The following SHOC1 variants were observed in gnomAD, a reference collection of about 807,000 sequenced individuals.
SHOC1 encodes the protein protein shortage in chiasmata 1 ortholog.
SHOC1 carries 136 observed loss-of-function variants against 179.2 expected under a neutral mutation model. The observed-to-expected ratio is 0.76, with a 90% CI of 0.66 to 0.87. The LOEUF (loss-of-function observed/expected upper bound fraction) is 0.87. Ranked by LOEUF, SHOC1 falls within the 40% of genes least tolerant of loss-of-function variation. SHOC1 has a pLI of 0.00. For synonymous variants in SHOC1, 489 were observed against 586.6 expected (o/e 0.83, Z 2.41); for missense variants, 1,538 against 1,700.8 (o/e 0.90, Z 1.68).
chr9:111,759,368 A>C, intron 5 of SHOC1: 1 of 1,483,146 alleles, frequency 6.7e-7, no homozygotes, highest in Non-Finnish European at 9.0e-7. Flanking sequence ...GGTTGCTATA[A>C]AATTATTTAC....
chr9:111,726,696 C>G (rs771759984), intron 13 of SHOC1, among the ~76,000 whole-genome samples: 1 of 152,146 alleles, frequency 6.6e-6, no homozygotes, highest in Non-Finnish European at 1.5e-5. Flanking sequence ...ACCTAACTGT[C>G]TCTAAGTCAC....
intron 3 of SHOC1, among the ~76,000 whole-genome samples, chr9:111,782,677 C>A (rs1183084759): frequency 6.6e-6 from 1 of 151,992 alleles, no homozygotes; most frequent in Non-Finnish European, 1.5e-5. Flanking sequence ...TAGTATACCC[C>A]TTAATAAAAC....
chr9:111,744,412 G>T lies in SHOC1; in HGVS notation c.1079+1822C>A, dbSNP rs192351992. ...CTCTGTATAGCACAAATTTACTCTA[G>T]AAATGTAAATAATTCTTAGCCAGAA... On this transcript the variant is annotated intron_variant, in intron 10 of 27. Coordinates refer to ENST00000682961, the MANE Select transcript of SHOC1 (RefSeq NM_001378211.1). Among the ~76,000 whole-genome samples the T allele has an allele frequency of 2.0e-4, 31 of 152,238 alleles. No homozygotes were observed. In the East Asian group the frequency reaches 5.8e-3, roughly 28 times the overall value.
intron 8 of SHOC1, among the ~76,000 whole-genome samples, chr9:111,756,008 G>T (rs1355575056): frequency 6.6e-6 from 1 of 152,044 alleles, no homozygotes; most frequent in Admixed American, 6.6e-5. Context: ...TGTAATCCCA[G>T]CTACTCGGGA....
chr9:111,729,401 C>G (rs529976390), intron 12 of SHOC1, among the ~76,000 whole-genome samples: 1 of 152,254 alleles, frequency 6.6e-6, no homozygotes, highest in East Asian at 1.9e-4. Flanking sequence ...GCCACTGTGC[C>G]CGGCTAGGGG....
intron 5 of SHOC1, among the ~76,000 whole-genome samples, chr9:111,766,843 T>A (rs1831296075): frequency 6.6e-6 from 1 of 152,094 alleles, no homozygotes; most frequent in South Asian, 2.1e-4. Flanking sequence ...AATGCCTGAC[T>A]TCAGGTGATC....
Position 111,776,008 on chromosome 9 carries a change from T to A in SHOC1, c.258-33A>T, listed in dbSNP as rs564417130. The stretch of plus-strand genomic sequence containing the variant: ...AATATAAAATTACTAATGTTATGTA[T>A]GTCCTATTTTAAAACACTTTTATTA... On this transcript the variant is annotated intron_variant, in intron 4 of 27. Transcript: ENST00000682961. 1.9e-6 allele frequency: 3 copies of A among 1,543,906 alleles called. 1 individual carries two copies. In the South Asian group the frequency reaches 3.5e-5, roughly 18 times the overall value.
chr9:111,747,308 G>A (rs2131524619), intron 9 of SHOC1, among the ~76,000 whole-genome samples: 1 of 152,148 alleles, frequency 6.6e-6, no homozygotes, highest in East Asian at 1.9e-4. Flanking sequence ...CTTTGGCATT[G>A]TACTGGAACA....
chr9:111,697,658 G>A (rs1038646475), intron 24 of SHOC1, among the ~76,000 whole-genome samples: 10 of 152,144 alleles, frequency 6.6e-5, no homozygotes, highest in Admixed American at 5.2e-4. Flanking sequence ...ACATACGTGT[G>A]CATATGTCTT....
At chr9:111,700,723 T>C (rs117337233) in intron 23 of SHOC1, among the ~76,000 whole-genome samples, 3,458 of 151,752 alleles carry the variant, frequency 0.023, 49 homozygotes, top group Non-Finnish European at 0.037. Flanking sequence ...GCTGTTTCCA[T>C]ATAAGAAGCT....
chr9:111,725,595 C>A (rs1322677704), intron 13 of SHOC1, among the ~76,000 whole-genome samples: 1 of 152,154 alleles, frequency 6.6e-6, no homozygotes, highest in Non-Finnish European at 1.5e-5. Context: ...TCTTGGGCAA[C>A]CATTCCCACA....
intron 27 of SHOC1, among the ~76,000 whole-genome samples, chr9:111,688,238 A>G (rs993699747): frequency 2.0e-5 from 3 of 152,194 alleles, no homozygotes; most frequent in Non-Finnish European, 4.4e-5. Context: ...CTGGATATCA[A>G]TCTCTCACAG....
chr9:111,752,246 G>A (rs536940413), intron 8 of SHOC1, among the ~76,000 whole-genome samples: 1 of 152,246 alleles, frequency 6.6e-6, no homozygotes, highest in East Asian at 1.9e-4. Flanking sequence ...AGAAATCCAG[G>A]AAAAGAGAGA....
intron 2 of SHOC1, among the ~76,000 whole-genome samples, chr9:111,787,174 G>A (rs1317557395): frequency 6.6e-6 from 1 of 152,216 alleles, no homozygotes; most frequent in African/African-American, 2.4e-5. Flanking sequence ...TGTACAAGGA[G>A]ATTAATGTTT....
At chr9:111,767,113 T>G (rs149883981) in intron 5 of SHOC1, among the ~76,000 whole-genome samples, 151 of 152,300 alleles carry the variant, frequency 9.9e-4, no homozygotes, top group African/African-American at 3.2e-3. Flanking sequence ...ATGGATAGTT[T>G]GCAAATATTT....
At chr9:111,750,090 T>C (rs202011501) in intron 8 of SHOC1, among the ~76,000 whole-genome samples, 4 of 152,300 alleles carry the variant, frequency 2.6e-5, no homozygotes, top group East Asian at 3.9e-4. Context: ...TCTAGGTCTT[T>C]GAGGAATCGC....
chr9:111,748,465 C>T (rs186577587), intron 8 of SHOC1, among the ~76,000 whole-genome samples: 1 of 152,252 alleles, frequency 6.6e-6, no homozygotes, highest in Non-Finnish European at 1.5e-5. Flanking sequence ...TACATAATCA[C>T]TGGAAGGTAA....
At chr9:111,706,493 C>G in intron 20 of SHOC1, 75 bp downstream of exon 20, 1 of 1,125,872 alleles carries the variant, frequency 8.9e-7, no homozygotes, top group South Asian at 1.9e-5. Flanking sequence ...TTATTTTTAT[C>G]TATAAATCAT....
rs1287067025 is a variant in SHOC1, at chr9:111,707,853, A to G, written c.2558+2T>C. 11 of 1,564,770 alleles carry G rather than the reference A, an allele frequency of 7.0e-6. No individual in the cohort carries two copies. The highest frequency in any genetic ancestry group is 9.6e-6 in the Non-Finnish European group (11 of 1,148,200). ...CTCACAGATGAAGGAATGAATTTTT[A>G]CCCCCTTAAAACACCTTCAGATTCC... On this transcript the variant is annotated splice_donor_variant, in intron 19 of 27. Transcript: ENST00000682961. LOFTEE classifies it high-confidence loss of function.
Sources: allele counts gnomAD v4.1 joint callset (sites outside exome capture counted in the v4.1 genomes callset), GRCh38; gene constraint gnomAD v4.1.1; transcripts MANE v1.5; gene names NCBI Gene and HGNC (gene_info 2026-07-23, HGNC 2026-07-21).